CDC25B: variants seen among roughly 807,000 people sequenced by gnomAD.
The protein encoded by CDC25B is cell division cycle 25B.
A neutral mutation model predicts 69.8 loss-of-function variants in CDC25B; 33 were observed. The ratio of observed to expected loss-of-function variants is 0.47; its 90% CI spans 0.36 to 0.63. The LOEUF (loss-of-function observed/expected upper bound fraction) is 0.63, where lower values mean the gene tolerates loss of function less well. CDC25B is among the 30% of genes least tolerant of loss of function. The pLI is 0.00. For missense variants in CDC25B, 727 were observed against 809.1 expected (o/e 0.90, Z 1.23); for synonymous variants, 341 against 314.6 (o/e 1.08, Z -0.89).
chr20:3,802,050 C>T lies in CDC25B; in HGVS notation c.1048C>T (p.Arg350Trp). 6.4e-7 allele frequency: 1 copy of T among 1,569,460 alleles called. No homozygotes were observed. The highest frequency in any genetic ancestry group is 8.6e-7 in the Non-Finnish European group (1 of 1,157,444). The change falls in exon 10 of 16, where the codon CGG (arginine) becomes TGG (tryptophan). Residue 350 changes from arginine (R) to tryptophan (W), a missense_variant. By Grantham distance (101) the Arg-to-Trp change is moderately radical (BLOSUM62 -3). Coordinates refer to ENST00000245960, the MANE Select transcript of CDC25B (RefSeq NM_021873.4). ...CAGGGACACGCCCGTGCAGAATAAG[C>T]GGAGGCGGAGCGTGACCCCTCCTGA... is the stretch of plus-strand genomic sequence containing the variant. ...QDRDTPVQNK[R>W]RRSVTPPEEQ...
At chr20:3,797,839 C>T in intron 2 of CDC25B, 90 bp downstream of exon 2, 1 of 1,502,292 alleles carries the variant, frequency 6.7e-7, no homozygotes, top group East Asian at 2.3e-5. Flanking sequence ...GCCGATCAAA[C>T]TAACATCCTC....
rs1390651193 is a variant in CDC25B at position 3,801,938 on chromosome 20, C to T, written c.936C>T (p.Tyr312=). ...EKEEEKDLVM[Y]SKCQRLFRSP... ...GTCCCTGCCAGGACCTCGTCATGTA[C>T]AGCAAGTGCCAGCGGCTCTTCCGCT... Residue 312 remains tyrosine, a synonymous_variant, in exon 10 of 16, where the codon TAC becomes TAT. Transcript: ENST00000245960. 1.2e-6 allele frequency: 2 copies of T among 1,611,768 alleles called. No homozygotes were observed. Among genetic ancestry groups the T allele is most frequent in the Non-Finnish European group, 1.7e-6 (2 of 1,178,806 alleles).
In CDC25B at chr20:3,796,500, C is replaced by T; in HGVS notation, c.-32C>T. 6.8e-7 allele frequency: 1 copy of T among 1,465,776 alleles called. No homozygotes were observed. The highest frequency in any genetic ancestry group is 1.3e-5 in the South Asian group (1 of 77,960). The allele number at this position is 1,465,776 out of a possible 1,614,324, so 90.8% of individuals were successfully genotyped here. On this transcript the variant is annotated 5_prime_UTR_variant, in exon 1 of 16. Coordinates refer to ENST00000245960, the MANE Select transcript of CDC25B (RefSeq NM_021873.4). Reference sequence around the variant, plus strand: ...GTTTGTTGGCTGCCCTGCGCCCGGCCCTCCAGCCAGCCTTCTGCCGGCCCC... The same window carrying T: ...GTTTGTTGGCTGCCCTGCGCCCGGCTCTCCAGCCAGCCTTCTGCCGGCCCC...
chr20:3,795,697 C>G, upstream of CDC25B: 1 of 985,446 alleles, frequency 1.0e-6, no homozygotes, highest in East Asian at 1.1e-4. Context: ...CCCCACTGCC[C>G]TCCCACCTCC....
At chr20:3,800,360 A>G (rs1379636471) in intron 4 of CDC25B, 31 bp downstream of exon 4, 2 of 1,613,868 alleles carry the variant, frequency 1.2e-6, no homozygotes, top group Admixed American at 1.7e-5. Context: ...TCCATCTACC[A>G]CAAGCTTTCC....
chr20:3,802,272 A>G lies in CDC25B; in HGVS notation c.1099-9A>G, dbSNP rs2089312277. On this transcript the variant is annotated splice_polypyrimidine_tract_variant and intron_variant, in intron 10 of 15. Transcript: ENST00000245960. ...CCTGACCCTGGCCTCCATCTGACTC[A>G]CTTTCCAGAAAGCCCGCGTCCTCCG... The G allele has an allele frequency of 6.2e-7, 1 of 1,609,994 alleles. No homozygotes were observed.
At chr20:3,792,613 C>T (rs568761452), upstream of CDC25B, among the ~76,000 whole-genome samples, 1 of 152,244 alleles carries the variant, frequency 6.6e-6, no homozygotes, top group South Asian at 2.1e-4. Context: ...GATTTCAGGT[C>T]GGTGCCACCA....
chr20:3,802,248 C>G (rs1406127204), intron 10 of CDC25B, 33 bp from the exon 11 acceptor site: 3 of 1,590,032 alleles, frequency 1.9e-6, no homozygotes, highest in East Asian at 2.2e-5. Context: ...CAGCCCCACC[C>G]TGACCCTGGC....
chr20:3,797,027 AAT>A (rs1261605009), intron 1 of CDC25B, among the ~76,000 whole-genome samples: 1 of 152,108 alleles, frequency 6.6e-6, no homozygotes, highest in African/African-American at 2.4e-5. Context: ...CTGCCTCCGT[AAT>A]CTCTGCCCGG....
At chr20:3,798,669 G>A (rs1038737550) in intron 3 of CDC25B, among the ~76,000 whole-genome samples, 1 of 152,210 alleles carries the variant, frequency 6.6e-6, no homozygotes, top group East Asian at 1.9e-4. Flanking sequence ...TCTCATGGGA[G>A]CCAACCGAGT....
Position 3,798,392 on chromosome 20 carries a change from A to G in CDC25B, c.329-20A>G, listed in dbSNP as rs1206289020. ...CAGAAAGTGCCACTACTTTCAAACCAAGGTGCTCTGTCCCCTCAGGTCTCT... is the reference window on the plus strand; with the variant it reads ...CAGAAAGTGCCACTACTTTCAAACCGAGGTGCTCTGTCCCCTCAGGTCTCT... On this transcript the variant is annotated intron_variant, in intron 2 of 15. Coordinates refer to ENST00000245960, the MANE Select transcript of CDC25B (RefSeq NM_021873.4). 1 of 1,454,928 alleles carries G rather than the reference A, an allele frequency of 6.9e-7. No homozygotes were observed. The highest frequency in any genetic ancestry group is 9.1e-7 in the Non-Finnish European group (1 of 1,095,386). The allele number at this position is 1,454,928 out of a possible 1,614,324, so 90.1% of individuals were successfully genotyped here.
chr20:3,801,968 G>C lies in CDC25B; in HGVS notation c.966G>C (p.Pro322=), dbSNP rs763476197. 1 of 1,611,786 alleles carries C rather than the reference G, an allele frequency of 6.2e-7. No homozygotes were observed. Among genetic ancestry groups the C allele is most frequent in the Non-Finnish European group, 8.5e-7 (1 of 1,179,128 alleles). Residue 322 remains proline, a synonymous_variant, in exon 10 of 16, where the codon CCG becomes CCC. Transcript: ENST00000245960. ...AGTGCCAGCGGCTCTTCCGCTCTCC[G>C]TCCATGCCCTGCAGCGTGATCCGGC... is the stretch of plus-strand genomic sequence containing the variant. The part of the protein sequence containing the change: ...YSKCQRLFRS[P]SMPCSVIRPI...
chr20:3,797,634 G>C lies in CDC25B; in HGVS notation c.213G>C (p.Lys71Asn), dbSNP rs778400837. Residue 71 changes from lysine (K) to asparagine (N), a missense_variant, in exon 2 of 16, where the codon AAG becomes AAC. Lys to Asn is a moderately conservative substitution (Grantham distance 94). Coordinates refer to ENST00000245960, the MANE Select transcript of CDC25B (RefSeq NM_021873.4). ...GTTCCCTTCCCAGCGAAACCCCAAA[G>C]AGTCAGGTAGGGACCCTGCTCTTCC... is the stretch of plus-strand genomic sequence containing the variant. Reference protein sequence around the residue: ...DLAGLGSETPKSQVGTLLFRS... With the variant: ...DLAGLGSETPNSQVGTLLFRS... The C allele has an allele frequency of 6.2e-7, 1 of 1,614,036 alleles. No homozygotes were observed. The highest frequency in any genetic ancestry group is 8.5e-7 in the Non-Finnish European group (1 of 1,180,030).
chr20:3,796,881 C>T, intron 1 of CDC25B, 150 bp downstream of exon 1: 2 of 1,050,116 alleles, frequency 1.9e-6, no homozygotes. Flanking sequence ...TTGTTCCCTC[C>T]TAGGGGCCCA....
At chr20:3,796,296 T>G (rs1600385546), upstream of CDC25B, 4 of 1,360,970 alleles carry the variant, frequency 2.9e-6, no homozygotes, top group Non-Finnish European at 3.8e-6. Context: ...GAGGTGGAAG[T>G]GGCAGCTGCA....
chr20:3,789,684 A>AAATAATG (rs1423623796), intron 1 of CDC25B, among the ~76,000 whole-genome samples: 1 of 151,672 alleles, frequency 6.6e-6, no homozygotes, highest in Non-Finnish European at 1.5e-5. Flanking sequence ...AAATAATAAT[A>AAATAATG]AATAATAAAA....
upstream of CDC25B, chr20:3,796,129 GA>G: frequency 2.8e-6 from 3 of 1,068,378 alleles, no homozygotes; most frequent in Non-Finnish European, 3.4e-6. Context: ...GAGGGTGTGG[GA>G]TAAATCTTAA....
Position 3,801,287 on chromosome 20 carries a change from G to A in CDC25B, c.739G>A (p.Glu247Lys), listed in dbSNP as rs1403783969. 9 of 1,614,088 alleles carry A rather than the reference G, an allele frequency of 5.6e-6. No homozygotes were observed. The highest frequency in any genetic ancestry group is 5.9e-6 in the Non-Finnish European group (7 of 1,180,014). Residue 247 changes from glutamate to lysine, a missense_variant, in exon 8 of 16, where the codon GAG becomes AAG. Physicochemically the swap from Glu to Lys is moderately conservative, Grantham distance 56 (BLOSUM62 1). Coordinates refer to ENST00000245960, the MANE Select transcript of CDC25B (RefSeq NM_021873.4). ...LSPDRKMEVE[E>K]LSPLALGRFS... ...TCCTGACCGGAAGATGGAAGTGGAGGAGCTCAGCCCCCTGGCCCTAGGTCG... is the reference window on the plus strand; with the variant it reads ...TCCTGACCGGAAGATGGAAGTGGAGAAGCTCAGCCCCCTGGCCCTAGGTCG...
chr20:3,803,565 A>G lies in CDC25B; in HGVS notation c.1490+28A>G, dbSNP rs11570016. 5.4e-4 allele frequency: 868 copies of G among 1,613,352 alleles called. 3 individuals carry two copies. Among genetic ancestry groups the G allele is most frequent in the South Asian group, 3.6e-3 (324 of 91,080 alleles). On this transcript the variant is annotated intron_variant, in intron 14 of 15. Transcript: ENST00000245960. The surrounding 1 kb of genome is among the most constrained non-coding windows in gnomAD (Gnocchi z 4.9). ...GAGTCCCAGCTCCGCCCAGCCAGCTAGTGTCTGCCCTGGCCTTCCCTGCCC... is the reference window on the plus strand; with the variant it reads ...GAGTCCCAGCTCCGCCCAGCCAGCTGGTGTCTGCCCTGGCCTTCCCTGCCC...
Sources: gnomAD v4.1 joint callset for allele counts (sites outside exome capture counted in the v4.1 genomes callset) on GRCh38, gnomAD v4.1.1 for gene constraint, Gnocchi (gnomAD v3.1) non-coding constraint, MANE v1.5 for transcripts, NCBI Gene and HGNC (gene_info 2026-07-23, HGNC 2026-07-21) for gene names.